Variants in SEMA3C observed in about 807,000 individuals in gnomAD.
SEMA3C encodes semaphorin 3C.
A neutral mutation model predicts 89.4 loss-of-function variants in SEMA3C; 47 were observed. The ratio of observed to expected loss-of-function variants is 0.53; its 90% confidence interval spans 0.42 to 0.67. The LOEUF (loss-of-function observed/expected upper bound fraction) is 0.67, where lower values mean the gene tolerates loss of function less well. SEMA3C is among the 30% of genes least tolerant of loss of function. SEMA3C has a pLI of 0.00. For missense variants in SEMA3C, 839 were observed against 929.1 expected (o/e 0.90, Z 1.26); for synonymous variants, 310 against 320.2 (o/e 0.97, Z 0.34).
chr7:80,882,306 T>C (rs1180978791), intron 2 of SEMA3C, among the ~76,000 whole-genome samples: 1 of 152,080 alleles, frequency 6.6e-6, no homozygotes, highest in Admixed American at 6.6e-5. Context: ...TAACACACCT[T>C]CTGGCATTTT....
chr7:80,765,062 T>C (rs1788266159), intron 13 of SEMA3C, 93 bp downstream of exon 13: 1 of 768,980 alleles, frequency 1.3e-6, no homozygotes, highest in African/African-American at 1.8e-5. Flanking sequence ...TATTTGATCT[T>C]TTATCAAATA....
chr7:80,764,158 T>C (rs1232506877), intron 13 of SEMA3C, among the ~76,000 whole-genome samples: 3 of 152,176 alleles, frequency 2.0e-5, no homozygotes, highest in African/African-American at 7.2e-5. Context: ...AATGAGTCAA[T>C]ACATTCTAAG....
intron 12 of SEMA3C, among the ~76,000 whole-genome samples, chr7:80,779,737 T>C (rs1294039282): frequency 2.6e-5 from 4 of 152,194 alleles, no homozygotes; most frequent in Admixed American, 6.5e-5. Flanking sequence ...AGGTGGAACA[T>C]GTGGCTTGCT....
At chr7:80,800,506 A>G (rs142987931) in intron 10 of SEMA3C, among the ~76,000 whole-genome samples, 34 of 152,312 alleles carry the variant, frequency 2.2e-4, no homozygotes, top group African/African-American at 8.2e-4. Flanking sequence ...CTACATTATA[A>G]TTCATTATTT....
At chr7:80,879,025 G>T (rs1791267517) in intron 2 of SEMA3C, among the ~76,000 whole-genome samples, 1 of 152,052 alleles carries the variant, frequency 6.6e-6, no homozygotes, top group Non-Finnish European at 1.5e-5. Context: ...TTCTAATGTG[G>T]CAATGAAGAT....
intron 2 of SEMA3C, among the ~76,000 whole-genome samples, chr7:80,881,489 A>G (rs1791339145): frequency 6.6e-6 from 1 of 152,186 alleles, no homozygotes; most frequent in Non-Finnish European, 1.5e-5. Flanking sequence ...TTTATACAAT[A>G]CTTACAAGAA....
chr7:80,783,515 C>T (rs1371244542), intron 12 of SEMA3C, among the ~76,000 whole-genome samples: 1 of 152,112 alleles, frequency 6.6e-6, no homozygotes, highest in Non-Finnish European at 1.5e-5. Context: ...TTTCCTTACG[C>T]CAAAGCAAAG....
intron 16 of SEMA3C, among the ~76,000 whole-genome samples, chr7:80,749,368 C>G (rs544678349): frequency 6.6e-6 from 1 of 152,272 alleles, no homozygotes; most frequent in African/African-American, 2.4e-5. Flanking sequence ...CAGCTTTTCA[C>G]AGCTGAGCAA....
In SEMA3C at chr7:80,833,588, G is replaced by C. The variant is rs929346; in HGVS notation, c.104-4843C>G. Among the ~76,000 whole-genome samples, 1,471 of 152,090 alleles carry C rather than the reference G, an allele frequency of 9.7e-3. 21 individuals are homozygous for C. The highest frequency in any genetic ancestry group is 0.034 in the African/African-American group (1,395 of 41,484). On this transcript the variant is annotated intron_variant, in intron 2 of 17. Transcript: ENST00000265361. ...TCCAGGGATTTTTATCTAGTTTTCC[G>C]AGCCATAAAGCATCTTCAAATTTAA...
chr7:80,774,374 G>T (rs1486980608), intron 12 of SEMA3C, among the ~76,000 whole-genome samples: 4 of 152,114 alleles, frequency 2.6e-5, no homozygotes, highest in African/African-American at 7.2e-5. Flanking sequence ...TAAACCAGAT[G>T]CTGGACTTAG....
chr7:80,813,260 T>C (rs1183569945), intron 5 of SEMA3C, among the ~76,000 whole-genome samples: 2 of 152,194 alleles, frequency 1.3e-5, no homozygotes, highest in Non-Finnish European at 2.9e-5. Flanking sequence ...CTACTAAACA[T>C]TTTGTAGAAG....
At chr7:80,780,604 C>T (rs769603871) in intron 12 of SEMA3C, among the ~76,000 whole-genome samples, 3 of 152,130 alleles carry the variant, frequency 2.0e-5, no homozygotes, top group Non-Finnish European at 4.4e-5. Context: ...ACATTAAAGG[C>T]CAGGTGCAGT....
chr7:80,904,519 T>C (rs947709503), intron 2 of SEMA3C, among the ~76,000 whole-genome samples: 2 of 152,220 alleles, frequency 1.3e-5, no homozygotes, highest in Non-Finnish European at 2.9e-5. Flanking sequence ...CCACTCAAAC[T>C]GCGTTACCAC....
intron 7 of SEMA3C, among the ~76,000 whole-genome samples, chr7:80,804,934 C>T (rs1381472710): frequency 1.3e-5 from 2 of 152,070 alleles, no homozygotes; most frequent in African/African-American, 4.8e-5. Flanking sequence ...TAAAAATTTT[C>T]TCCAGGGTGA....
At chr7:80,890,556 T>C (rs1791586970) in intron 2 of SEMA3C, among the ~76,000 whole-genome samples, 1 of 152,208 alleles carries the variant, frequency 6.6e-6, no homozygotes, top group East Asian at 1.9e-4. Flanking sequence ...ATATACTTTC[T>C]ACTTTTTAAA....
intron 1 of SEMA3C, 135 bp from the exon 2 acceptor site, chr7:80,916,954 T>C: frequency 1.6e-6 from 1 of 612,214 alleles, no homozygotes; most frequent in East Asian, 3.1e-5. Flanking sequence ...CAGTAGGAGG[T>C]GCTGTGTCTT....
chr7:80,791,521 G>C (rs552878313), intron 11 of SEMA3C, among the ~76,000 whole-genome samples: 2 of 152,280 alleles, frequency 1.3e-5, no homozygotes, highest in African/African-American at 4.8e-5. Context: ...CTGCCTGTTT[G>C]ATAGCAATAG....
intron 2 of SEMA3C, among the ~76,000 whole-genome samples, chr7:80,849,715 G>A (rs527495719): frequency 1.3e-5 from 2 of 152,176 alleles, no homozygotes; most frequent in South Asian, 4.1e-4. Context: ...AATTAAATAG[G>A]AGACAATCTT....
chr7:80,794,156 T>C (rs765610960), intron 11 of SEMA3C, among the ~76,000 whole-genome samples: 1 of 151,968 alleles, frequency 6.6e-6, no homozygotes, highest in Non-Finnish European at 1.5e-5. Context: ...AAATCACTTA[T>C]TCATTTCCAT....
Sources: gnomAD v4.1 joint callset for allele counts (sites outside exome capture counted in the v4.1 genomes callset) on GRCh38, gnomAD v4.1.1 for gene constraint, MANE v1.5 for transcripts, NCBI Gene and HGNC (gene_info 2026-07-23, HGNC 2026-07-21) for gene names.